The following ADAM22 variants were observed in gnomAD, a reference collection of about 807,000 sequenced individuals.
The protein encoded by ADAM22 is disintegrin and metalloproteinase domain-containing protein 22.
ADAM22 carries 65 observed loss-of-function variants against 144.6 expected under a neutral mutation model. The observed-to-expected ratio is 0.45, with a 90% CI of 0.37 to 0.55. ADAM22 has a LOEUF of 0.55. Ranked by LOEUF, ADAM22 falls within the 20% of genes least tolerant of loss-of-function variation. The probability of loss-of-function intolerance (pLI) is 0.00; values close to 1 mark genes in which losing one functional copy is unlikely to be tolerated. For missense variants in ADAM22, 974 were observed against 1,184.9 expected, an observed-to-expected ratio of 0.82 and a Z score of 2.61; for synonymous variants, 391 against 412.6, an observed-to-expected ratio of 0.95 and a Z score of 0.63.
chr7:87,986,098 C>G (rs1584833555), intron 3 of ADAM22, among the ~76,000 whole-genome samples: 1 of 152,152 alleles, frequency 6.6e-6, no homozygotes, highest in East Asian at 1.9e-4. Context: ...CCTTTGAAAT[C>G]TACGTTGAAC....
At position 88,110,218 on chromosome 7, in the gene ADAM22, T is replaced by C. The variant is rs987062113; in HGVS notation, c.473+1960T>C. 5.3e-5 allele frequency among the ~76,000 whole-genome samples: 8 copies of C among 152,310 alleles called. No individual in the cohort carries two copies. The East Asian group carries it at 1.5e-3, about 29-fold the overall frequency. On this transcript the variant is annotated intron_variant, in intron 5 of 31. Coordinates refer to ENST00000413139, the MANE Select transcript of ADAM22 (RefSeq NM_001324418.2). ...TTATTAGGAAAAAGAAACATTGAAGTCCTTTTCAGCAGTAAAATTGTTACA... is the reference window on the plus strand; with the variant it reads ...TTATTAGGAAAAAGAAACATTGAAGCCCTTTTCAGCAGTAAAATTGTTACA...
intron 25 of ADAM22, 92 bp from the exon 26 acceptor site, chr7:88,171,452 A>G (rs577960018): frequency 5.2e-6 from 6 of 1,161,256 alleles, no homozygotes; most frequent in East Asian, 5.3e-5. Flanking sequence ...AATGAAAGCT[A>G]GAGCTTTTAT....
At chr7:88,176,640 CCTTA>C in intron 26 of ADAM22, among the ~76,000 whole-genome samples, 1 of 152,182 alleles carries the variant, frequency 6.6e-6, no homozygotes, top group Middle Eastern at 3.4e-3. Flanking sequence ...CTAAGTGAGG[CCTTA>C]CTTAATGTTT....
At position 88,105,545 on chromosome 7, in the gene ADAM22, G is replaced by A. The variant is rs77735190; in HGVS notation, c.391-2631G>A. Among the ~76,000 whole-genome samples, 1,045 of 152,246 alleles carry A rather than the reference G, an allele frequency of 6.9e-3. 11 individuals carry two copies. Among genetic ancestry groups the A allele is most frequent in the Non-Finnish European group, 0.011 (763 of 68,024 alleles). On this transcript the variant is annotated intron_variant, in intron 4 of 31. Transcript: ENST00000413139. ...GTCCAACAGCCCAACACACATTATT[G>A]TAACTTTTGTTAAATTTACTCTTAG...
At chr7:87,941,113 G>A (rs953249850) in intron 2 of ADAM22, among the ~76,000 whole-genome samples, 5 of 152,134 alleles carry the variant, frequency 3.3e-5, no homozygotes, top group Non-Finnish European at 7.3e-5. Flanking sequence ...TCTACAAGGA[G>A]CAAAATTTCT....
At chr7:88,014,722 CTG>C (rs543454524) in intron 3 of ADAM22, among the ~76,000 whole-genome samples, 117 of 152,318 alleles carry the variant, frequency 7.7e-4, no homozygotes, top group African/African-American at 2.6e-3. Flanking sequence ...CCACATCAAA[CTG>C]AGAAGTTGCT....
chr7:88,121,516 C>T (rs973302126), intron 7 of ADAM22, among the ~76,000 whole-genome samples: 8 of 152,276 alleles, frequency 5.3e-5, no homozygotes, highest in African/African-American at 1.4e-4. Flanking sequence ...CTGTGGCCCA[C>T]GGTGTCATGA....
intron 2 of ADAM22, among the ~76,000 whole-genome samples, chr7:87,947,256 C>T (rs948277321): frequency 6.6e-6 from 1 of 151,026 alleles, no homozygotes; most frequent in African/African-American, 2.4e-5. Context: ...TTCAGGGCTA[C>T]AAAAATGTTC....
chr7:88,055,625 C>T (rs908897292), intron 3 of ADAM22, among the ~76,000 whole-genome samples: 4 of 151,996 alleles, frequency 2.6e-5, no homozygotes, highest in East Asian at 1.9e-4. Flanking sequence ...AAATATTAAC[C>T]GCACCTAGTT....
In ADAM22 at chr7:88,150,966, T is replaced by C. The variant is rs372579704; in HGVS notation, c.1567-15T>C. 3 of 1,609,108 alleles carry C rather than the reference T, an allele frequency of 1.9e-6. No individual in the cohort carries two copies. The highest frequency in any genetic ancestry group is 2.6e-6 in the Non-Finnish European group (3 of 1,175,772). On this transcript the variant is annotated splice_polypyrimidine_tract_variant and intron_variant, in intron 18 of 31. Coordinates refer to ENST00000413139, the MANE Select transcript of ADAM22 (RefSeq NM_001324418.2). Reference sequence around the variant, plus strand: ...TTGCACTGCATTTCATTCATAGTTGTTCTCTTTTTCCTAGTGTGCCCCTAA... The same window carrying C: ...TTGCACTGCATTTCATTCATAGTTGCTCTCTTTTTCCTAGTGTGCCCCTAA...
intron 2 of ADAM22, among the ~76,000 whole-genome samples, chr7:87,972,580 CTACTT>C (rs1850731830): frequency 6.6e-6 from 1 of 152,186 alleles, no homozygotes; most frequent in Admixed American, 6.5e-5. Flanking sequence ...TTGGGAAAAA[CTACTT>C]TAAAGTTCAT....
intron 29 of ADAM22, chr7:88,186,186 T>G (rs2129539317): frequency 4.6e-6 from 1 of 217,614 alleles, no homozygotes; most frequent in South Asian, 7.1e-5. Context: ...CTTAGGGTGT[T>G]GTATGCCCAA....
At chr7:88,060,846 G>T (rs1020681939) in intron 3 of ADAM22, among the ~76,000 whole-genome samples, 3 of 151,866 alleles carry the variant, frequency 2.0e-5, no homozygotes, top group Admixed American at 6.6e-5. Flanking sequence ...GCTCATGCCT[G>T]TAATCCCAGC....
chr7:88,127,439 G>A (rs1830676291), intron 8 of ADAM22, among the ~76,000 whole-genome samples: 1 of 151,862 alleles, frequency 6.6e-6, no homozygotes, highest in African/African-American at 2.4e-5. Flanking sequence ...CTCACAAGTA[G>A]CAAAGCAGCT....
intron 3 of ADAM22, among the ~76,000 whole-genome samples, chr7:88,002,403 G>A (rs544542970): frequency 1.2e-4 from 18 of 152,224 alleles, no homozygotes; most frequent in South Asian, 4.1e-4. Flanking sequence ...CTGGGTGCAC[G>A]CACACTGGGA....
rs140774645 is a variant in ADAM22, at chr7:88,036,067, C to T, written c.324-39559C>T. On this transcript the variant is annotated intron_variant, in intron 3 of 31. Transcript: ENST00000413139. ...TTGTTGCAGAAAGCTTTTAAGTCAC[C>T]GACTAGCTGGCAAAATTAAATATAA... Among the ~76,000 whole-genome samples the T allele has an allele frequency of 3.2e-3, 493 of 152,168 alleles. 1 individual carries two copies. The highest frequency in any genetic ancestry group is 0.011 in the African/African-American group (468 of 41,506).
intron 27 of ADAM22, among the ~76,000 whole-genome samples, chr7:88,180,647 C>A (rs958146217): frequency 5.9e-5 from 9 of 152,030 alleles, no homozygotes; most frequent in African/African-American, 2.2e-4. Flanking sequence ...GTGCTATTTT[C>A]TAAAGTTCCT....
chr7:87,980,044 T>G (rs1011908575), intron 3 of ADAM22, among the ~76,000 whole-genome samples: 6 of 152,180 alleles, frequency 3.9e-5, no homozygotes, highest in African/African-American at 1.4e-4. Context: ...CCTCACTTAC[T>G]TTGGAGACAT....
chr7:87,963,078 T>C (rs1007511674), intron 2 of ADAM22, among the ~76,000 whole-genome samples: 1 of 152,160 alleles, frequency 6.6e-6, no homozygotes, highest in Non-Finnish European at 1.5e-5. Context: ...TAAAAATCTG[T>C]TGGTAGGGCC....
Sources: allele counts gnomAD v4.1 joint callset (sites outside exome capture counted in the v4.1 genomes callset), GRCh38; gene constraint gnomAD v4.1.1; transcripts MANE v1.5; gene names NCBI Gene and HGNC (gene_info 2026-07-23, HGNC 2026-07-21).